PITPNM3: variants seen among roughly 807,000 people sequenced by gnomAD.
PITPNM3 encodes the protein membrane-associated phosphatidylinositol transfer protein 3.
In PITPNM3, 26 loss-of-function variants were observed where a neutral mutation model predicts 102.0. The ratio of observed to expected loss-of-function variants is 0.25; its 90% CI spans 0.19 to 0.35. PITPNM3 has a LOEUF of 0.35. Ranked by LOEUF, PITPNM3 falls within the 10% of genes least tolerant of loss-of-function variation. The pLI is 1.00. For synonymous variants in PITPNM3, 578 were observed against 558.6 expected (o/e 1.03, Z -0.49); for missense variants, 1,083 against 1,346.1 (o/e 0.80, Z 3.06).
At chr17:6,473,133 T>G in intron 10 of PITPNM3, 1 of 428,342 alleles carries the variant, frequency 2.3e-6, no homozygotes, top group Non-Finnish European at 4.4e-6. Context: ...CCTCCCCCAT[T>G]TCCACGGGGC....
In PITPNM3 at chr17:6,556,516, C is replaced by T. The variant is rs1910625897; in HGVS notation, c.-110G>A. ...ACTCCGAGCGCCGCGCCCGCGCCCC[C>T]GCCCCGCTCGCCTCGGCTGCCGCCA... On this transcript the variant is annotated 5_prime_UTR_variant, in exon 1 of 20. Transcript: ENST00000262483. This position sits in a 1 kb window ranked among gnomAD's most constrained non-coding sequence, Gnocchi z 5.2. 2.8e-6 allele frequency: 2 copies of T among 716,686 alleles called. No individual in the cohort carries two copies. The highest frequency in any genetic ancestry group is 6.7e-4 in the Middle Eastern group (1 of 1,484). The allele number at this position is 716,686 out of a possible 1,614,324, so 44.4% of individuals were successfully genotyped here.
chr17:6,531,687 T>C (rs1909154833), intron 2 of PITPNM3, among the ~76,000 whole-genome samples: 1 of 152,176 alleles, frequency 6.6e-6, no homozygotes, highest in African/African-American at 2.4e-5. Flanking sequence ...CCCACTGCCT[T>C]CCACAATATG....
In PITPNM3 at chr17:6,478,262, G is replaced by A. The variant is rs1905439717; in HGVS notation, c.778-165C>T. 1.3e-5 allele frequency among the ~76,000 whole-genome samples: 2 copies of A among 152,234 alleles called. 1 individual carries two copies. The highest frequency in any genetic ancestry group is 1.3e-4 in the Admixed American group (2 of 15,290). On this transcript the variant is annotated intron_variant, in intron 7 of 19. Coordinates refer to ENST00000262483, the MANE Select transcript of PITPNM3 (RefSeq NM_031220.4). This position sits in a 1 kb window ranked among gnomAD's most constrained non-coding sequence, Gnocchi z 4.4. ...CAGTGTGCAAACTGGGGAGGGTCAG[G>A]GTTGGCGTTGGCCCAGGCCAGCCCA...
At chr17:6,485,764 G>A (rs1597377510) in intron 4 of PITPNM3, among the ~76,000 whole-genome samples, 1 of 152,080 alleles carries the variant, frequency 6.6e-6, no homozygotes, top group East Asian at 1.9e-4. Context: ...GTCCTTCTTG[G>A]CTCCCAGCCC....
intron 3 of PITPNM3, among the ~76,000 whole-genome samples, chr17:6,511,799 T>C (rs888791028): frequency 2.6e-5 from 4 of 152,006 alleles, no homozygotes; most frequent in Admixed American, 1.3e-4. Context: ...CTGGCCAACA[T>C]AGTGAAACCC....
At chr17:6,550,212 A>T (rs1402111425) in intron 1 of PITPNM3, among the ~76,000 whole-genome samples, 1 of 152,242 alleles carries the variant, frequency 6.6e-6, no homozygotes, top group African/African-American at 2.4e-5. Flanking sequence ...TGACTCCAAC[A>T]GTAGAAGAGA....
At chr17:6,456,526 C>T (rs1914124289) in intron 19 of PITPNM3, among the ~76,000 whole-genome samples, 1 of 152,204 alleles carries the variant, frequency 6.6e-6, no homozygotes, top group Non-Finnish European at 1.5e-5. Context: ...CCACCTGGCA[C>T]CTTGTCAGGC....
Position 6,468,315 on chromosome 17 carries a change from G to T in PITPNM3, c.1800C>A (p.Ile600=). Residue 600 remains isoleucine (I), a synonymous_variant, in exon 14 of 20, where the codon ATC becomes ATA. Transcript: ENST00000262483. This position sits in a 1 kb window ranked among gnomAD's most constrained non-coding sequence, Gnocchi z 5.2. ...RQVMRYESVN[I]KESARLDPAA... ...CAGGGTCCAGGCGGGCGCTTTCCTT[G>T]ATGTTCACGCTCTCATAGCGCATTA... 6.2e-7 allele frequency: 1 copy of T among 1,614,090 alleles called. No individual in the cohort carries two copies. Among genetic ancestry groups the T allele is most frequent in the South Asian group, 1.1e-5 (1 of 91,078 alleles).
At chr17:6,462,611 G>A (rs1453135563) in intron 17 of PITPNM3, among the ~76,000 whole-genome samples, 5 of 152,166 alleles carry the variant, frequency 3.3e-5, no homozygotes, top group Non-Finnish European at 7.3e-5. Flanking sequence ...GATAGCTCTG[G>A]TTGGCTGACT....
intron 4 of PITPNM3, among the ~76,000 whole-genome samples, chr17:6,499,628 G>A (rs1023302075): frequency 3.9e-5 from 6 of 152,190 alleles, no homozygotes; most frequent in Admixed American, 6.5e-5. Flanking sequence ...CAGCCTGTGC[G>A]GATCCTAGTA....
rs145562611 is a variant in PITPNM3, at chr17:6,462,652, G to A, written c.2306+1080C>T. Among the ~76,000 whole-genome samples the A allele has an allele frequency of 1.2e-3, 181 of 152,306 alleles. 1 individual carries two copies. Among genetic ancestry groups the A allele is most frequent in the African/African-American group, 4.0e-3 (165 of 41,558 alleles). On this transcript the variant is annotated intron_variant, in intron 17 of 19. Coordinates refer to ENST00000262483, the MANE Select transcript of PITPNM3 (RefSeq NM_031220.4). Reference sequence around the variant, plus strand: ...CAGAATCCTGGCTGCAAGATGTCAGGTAAGCCCAGACCTGGTTGGGCACCT... The same window carrying A: ...CAGAATCCTGGCTGCAAGATGTCAGATAAGCCCAGACCTGGTTGGGCACCT...
intron 4 of PITPNM3, among the ~76,000 whole-genome samples, chr17:6,484,606 T>G (rs1905960037): frequency 6.6e-6 from 1 of 152,106 alleles, no homozygotes; most frequent in Non-Finnish European, 1.5e-5. Flanking sequence ...CAAGGGTGAG[T>G]ACCACCTGAG....
intron 1 of PITPNM3, among the ~76,000 whole-genome samples, chr17:6,550,868 T>C (rs1910265565): frequency 6.6e-6 from 1 of 152,216 alleles, no homozygotes; most frequent in Non-Finnish European, 1.5e-5. Flanking sequence ...AGGTGGAACC[T>C]CTCTGTTTGA....
rs938062814 is a variant in PITPNM3 at position 6,451,835 on chromosome 17, C to G, written c.*3503G>C. On this transcript the variant is annotated 3_prime_UTR_variant, in exon 20 of 20. Transcript: ENST00000262483. Reference sequence around the variant, plus strand: ...GGAGGGAATGTTTCTTTTGGCTGAGCCAAAAGACAATAGGTTTCCAGGGCA... The same window carrying G: ...GGAGGGAATGTTTCTTTTGGCTGAGGCAAAAGACAATAGGTTTCCAGGGCA... 2 of 150,020 alleles carry G rather than the reference C, an allele frequency of 1.3e-5. No homozygotes were observed. The highest frequency in any genetic ancestry group is 2.9e-5 in the Non-Finnish European group (2 of 67,808). 9.3% of individuals were successfully genotyped at this position (150,020 alleles called of 1,614,324 possible).
At chr17:6,473,357 T>A (rs1304859330) in intron 10 of PITPNM3, 1 of 207,426 alleles carries the variant, frequency 4.8e-6, no homozygotes, top group Non-Finnish European at 9.9e-6. Context: ...ATCCACCTCA[T>A]CGGCGGGCCT....
At chr17:6,536,618 T>C (rs1470615167) in intron 2 of PITPNM3, among the ~76,000 whole-genome samples, 8 of 152,158 alleles carry the variant, frequency 5.3e-5, no homozygotes, top group African/African-American at 1.9e-4. Flanking sequence ...TTCTCCACTG[T>C]TGGAGGCATA....
At chr17:6,498,257 T>C (rs1906957403) in intron 4 of PITPNM3, among the ~76,000 whole-genome samples, 1 of 152,162 alleles carries the variant, frequency 6.6e-6, no homozygotes, top group Non-Finnish European at 1.5e-5. Context: ...TGCTTCTGTC[T>C]CCTCCGCAGA....
At chr17:6,496,283 C>G (rs929584207) in intron 4 of PITPNM3, among the ~76,000 whole-genome samples, 11 of 152,160 alleles carry the variant, frequency 7.2e-5, no homozygotes, top group Non-Finnish European at 1.6e-4. Flanking sequence ...CCATCACCTC[C>G]TCCCACACCA....
intron 3 of PITPNM3, among the ~76,000 whole-genome samples, chr17:6,505,411 C>T (rs931305161): frequency 6.6e-6 from 1 of 152,118 alleles, no homozygotes; most frequent in African/African-American, 2.4e-5. Context: ...ACAGCACTCC[C>T]TAGACCTAGG....
Sources: gnomAD v4.1 joint callset for allele counts (sites outside exome capture counted in the v4.1 genomes callset) on GRCh38, gnomAD v4.1.1 for gene constraint, Gnocchi (gnomAD v3.1) non-coding constraint, MANE v1.5 for transcripts, NCBI Gene and HGNC (gene_info 2026-07-23, HGNC 2026-07-21) for gene names.